ZNF875: variants seen among roughly 807,000 people sequenced by gnomAD.
ZNF875 encodes the protein HKR1, GLI-Kruppel zinc finger family member.
In ZNF875, 14 loss-of-function variants were observed where a neutral mutation model predicts 11.2. The observed-to-expected ratio is 1.26, with a 90% CI of 0.83 to 1.96. The LOEUF (loss-of-function observed/expected upper bound fraction) is 1.96. ZNF875 is among the 30% of genes most tolerant of loss of function. The pLI is 0.00. For synonymous variants in ZNF875, 301 were observed against 281.1 expected (o/e 1.07, Z -0.71); for missense variants, 752 against 760.4 (o/e 0.99, Z 0.13).
chr19:37,361,321 G>A (rs2039874571), intron 4 of ZNF875, among the ~76,000 whole-genome samples: 1 of 152,074 alleles, frequency 6.6e-6, no homozygotes, highest in African/African-American at 2.4e-5. Flanking sequence ...ATGTTGGCCA[G>A]GATGGTCTCA....
chr19:37,336,422 C>T (rs1233041343), intron 2 of ZNF875, among the ~76,000 whole-genome samples: 4 of 151,132 alleles, frequency 2.6e-5, no homozygotes, highest in Non-Finnish European at 2.9e-5. Context: ...GCCTCAGCCT[C>T]CTGAGTAGCT....
chr19:37,340,671 C>T (rs1299884987), intron 2 of ZNF875, among the ~76,000 whole-genome samples: 3 of 103,170 alleles, frequency 2.9e-5, no homozygotes, highest in African/African-American at 7.5e-5. Context: ...TTTTTTGAGA[C>T]GGAGTCTGGC....
At chr19:37,341,897 A>G (rs912231887) in intron 2 of ZNF875, among the ~76,000 whole-genome samples, 1 of 152,258 alleles carries the variant, frequency 6.6e-6, no homozygotes, top group Non-Finnish European at 1.5e-5. Context: ...ATACTGCAGT[A>G]GATGCTCCCA....
intron 2 of ZNF875, chr19:37,346,769 T>A: frequency 4.8e-6 from 1 of 207,026 alleles, no homozygotes. Context: ...GATAGGAGAA[T>A]AATGGTCTTT....
At chr19:37,326,664 C>CTT (rs35805509) in intron 4 of ZNF875, among the ~76,000 whole-genome samples, 3,420 of 88,094 alleles carry the variant, frequency 0.039, 320 homozygotes, top group African/African-American at 0.058. Flanking sequence ...AATTAGAAAG[C>CTT]TTTTTTTTTT....
At chr19:37,338,208 C>T (rs1363413922) in intron 2 of ZNF875, among the ~76,000 whole-genome samples, 1 of 152,030 alleles carries the variant, frequency 6.6e-6, no homozygotes, top group African/African-American at 2.4e-5. Flanking sequence ...CTGCAGTCTC[C>T]GCCTCCTGGG....
chr19:37,338,123 G>A (rs780075153), intron 2 of ZNF875, among the ~76,000 whole-genome samples: 38 of 152,012 alleles, frequency 2.5e-4, no homozygotes, highest in Admixed American at 2.3e-3. Flanking sequence ...TTTTTTGTGC[G>A]TACTTTCTCT....
chr19:37,320,178 A>T (rs2031122559), intron 1 of ZNF875, among the ~76,000 whole-genome samples: 1 of 152,238 alleles, frequency 6.6e-6, no homozygotes, highest in Admixed American at 6.5e-5. Context: ...CCCGGCCATA[A>T]CTCTGAGTTT....
chr19:37,316,347 C>T (rs1416072161), upstream of ZNF875, among the ~76,000 whole-genome samples: 2 of 152,156 alleles, frequency 1.3e-5, no homozygotes, highest in Non-Finnish European at 2.9e-5. Flanking sequence ...TTCCTTTGTC[C>T]ATTTCCTTTA....
chr19:37,324,836 G>A, intron 4 of ZNF875: 1 of 157,476 alleles, frequency 6.4e-6, no homozygotes, highest in Middle Eastern at 3.1e-3. Flanking sequence ...GTGTAGTATG[G>A]CGATCTCTGC....
chr19:37,322,004 C>T (rs1366896208), intron 1 of ZNF875, among the ~76,000 whole-genome samples: 2 of 152,160 alleles, frequency 1.3e-5, no homozygotes, highest in East Asian at 1.9e-4. Flanking sequence ...AAGACTCTCC[C>T]GTATGTTAGA....
intron 2 of ZNF875, among the ~76,000 whole-genome samples, chr19:37,338,153 T>C (rs144385384): frequency 1.1e-3 from 160 of 152,344 alleles, no homozygotes; most frequent in Middle Eastern, 3.4e-3. Context: ...GGCGGAGTCA[T>C]GCTCTGTCAC....
At chr19:37,316,730 T>G (rs2030221995), upstream of ZNF875, among the ~76,000 whole-genome samples, 1 of 151,616 alleles carries the variant, frequency 6.6e-6, no homozygotes, top group African/African-American at 2.4e-5. Context: ...GGGCGCGATC[T>G]CGGCTCACTG....
chr19:37,331,514 A>G (rs912492765), upstream of ZNF875, among the ~76,000 whole-genome samples: 2 of 150,380 alleles, frequency 1.3e-5, no homozygotes, highest in Non-Finnish European at 3.0e-5. Flanking sequence ...GTTAATCTAT[A>G]ACCTTACCCC....
rs560060672 is a variant in ZNF875 at position 37,357,776 on chromosome 19, TATTTTCTAGGTATAGG to T, written c.257-4320_257-4305del. 2.0e-5 allele frequency among the ~76,000 whole-genome samples: 3 copies of T among 152,208 alleles called. No homozygotes were observed. The South Asian group carries it at 6.2e-4, about 32-fold the overall frequency. ...CTTTAGAGTTTTCTAGGTATAGGAT[TATTTTCTAGGTATAGG>T]ATTTTCTAGGTAAAGGATTCTTGGC... On this transcript the variant is annotated intron_variant, in intron 4 of 4. Transcript: ENST00000392153.
At chr19:37,334,878 G>T in intron 1 of ZNF875, 96 bp downstream of exon 1, 1 of 458,684 alleles carries the variant, frequency 2.2e-6, no homozygotes. Flanking sequence ...GAACTAGGGC[G>T]CTCTCCTTTG....
At chr19:37,345,179 G>A (rs1001311237) in intron 2 of ZNF875, among the ~76,000 whole-genome samples, 3 of 152,128 alleles carry the variant, frequency 2.0e-5, no homozygotes, top group African/African-American at 4.8e-5. Context: ...CGGATTTGTG[G>A]TGGGACTCAA....
chr19:37,317,920 G>A (rs1282503516), exon 1 of ZNF875: 4 of 154,342 alleles, frequency 2.6e-5, no homozygotes, highest in Non-Finnish European at 5.8e-5. Context: ...TGGGTCTGCA[G>A]ATGGCGTCCG....
chr19:37,347,435 T>G, intron 3 of ZNF875, 119 bp downstream of exon 3: 1 of 965,538 alleles, frequency 1.0e-6, no homozygotes, highest in South Asian at 1.7e-5. Flanking sequence ...AACAATTTAC[T>G]TTTTTCCTCT....
Sources: allele counts gnomAD v4.1 joint callset (sites outside exome capture counted in the v4.1 genomes callset), GRCh38; gene constraint gnomAD v4.1.1; transcripts MANE v1.5; gene names NCBI Gene and HGNC (gene_info 2026-07-23, HGNC 2026-07-21).